The following ACTR3C variants were observed in gnomAD, a reference collection of about 807,000 sequenced individuals.
ACTR3C encodes the protein actin-related protein 3C.
In ACTR3C, 18 loss-of-function variants were observed where a neutral mutation model predicts 26.3. That is an observed-to-expected ratio of 0.68 (90% CI 0.47 to 1.01). The LOEUF (loss-of-function observed/expected upper bound fraction) is 1.01, where lower values mean the gene tolerates loss of function less well. Ranked by LOEUF, ACTR3C falls within the 50% of genes least tolerant of loss-of-function variation. The pLI is 0.00. For synonymous variants in ACTR3C, 55 were observed against 94.5 expected (o/e 0.58, Z 2.42); for missense variants, 184 against 250.7 (o/e 0.73, Z 1.80).
At chr7:150,204,617 A>G in the ACTR3C span, among the ~76,000 whole-genome samples, 1 of 152,364 alleles carries the variant, frequency 6.6e-6, no homozygotes, top group African/African-American at 2.4e-5. Flanking sequence ...GTGATGCTGT[A>G]TCCTTTCTCT....
At chr7:150,030,746 C>T in the ACTR3C span, among the ~76,000 whole-genome samples, 4 of 151,812 alleles carry the variant, frequency 2.6e-5, no homozygotes, top group East Asian at 1.9e-4. Context: ...CCCCTTCCCA[C>T]ACACCCCTCC....
chr7:150,035,522 C>T, the ACTR3C span, among the ~76,000 whole-genome samples: 5 of 120,886 alleles, frequency 4.1e-5, no homozygotes, highest in Non-Finnish European at 8.9e-5. Context: ...TCCCCACTCT[C>T]GTGGGGGGTG....
chr7:150,039,075 CT>C, the ACTR3C span, among the ~76,000 whole-genome samples: 1 of 145,998 alleles, frequency 6.8e-6, no homozygotes, highest in Non-Finnish European at 1.5e-5. Context: ...GAACTTTCTA[CT>C]TGGACTACTA....
the ACTR3C span, among the ~76,000 whole-genome samples, chr7:150,153,324 C>T: frequency 5.0e-4 from 76 of 151,286 alleles, 1 homozygote; most frequent in South Asian, 2.3e-3. Context: ...ACCTACTCAT[C>T]TGACAAAGGG....
the ACTR3C span, among the ~76,000 whole-genome samples, chr7:150,080,285 T>A: frequency 8.1e-3 from 1,222 of 151,100 alleles, 10 homozygotes; most frequent in Non-Finnish European, 0.013. Context: ...TTCTTCCCCT[T>A]CTTTCTACTT....
the ACTR3C span, among the ~76,000 whole-genome samples, chr7:150,191,374 C>A: frequency 1.3e-5 from 2 of 152,144 alleles, no homozygotes; most frequent in Non-Finnish European, 2.9e-5. Context: ...AATGATTTAG[C>A]TTTTTGTTAA....
the ACTR3C span, among the ~76,000 whole-genome samples, chr7:150,033,347 G>C: frequency 2.6e-5 from 4 of 152,190 alleles, no homozygotes; most frequent in Non-Finnish European, 5.9e-5. Flanking sequence ...GGATGCTCTA[G>C]CTGTGCTCTG....
At chr7:150,026,326 T>C in the ACTR3C span, among the ~76,000 whole-genome samples, 1 of 152,060 alleles carries the variant, frequency 6.6e-6, no homozygotes, top group Non-Finnish European at 1.5e-5. Flanking sequence ...TGCACATACA[T>C]GATAAGCCAC....
the ACTR3C span, among the ~76,000 whole-genome samples, chr7:150,197,489 A>T: frequency 3.9e-3 from 601 of 152,338 alleles, 7 homozygotes; most frequent in African/African-American, 0.014. Context: ...AGTGGATTTT[A>T]AAAAAGTGAG....
chr7:149,938,954 T>A, the ACTR3C span, among the ~76,000 whole-genome samples: 5 of 146,490 alleles, frequency 3.4e-5, no homozygotes, highest in Non-Finnish European at 7.4e-5. Flanking sequence ...TGTATATATA[T>A]AAAAATATAT....
chr7:150,293,431 A>C lies in ACTR3C; in HGVS notation c.46-12T>G. 1 of 1,559,296 alleles carries C rather than the reference A, an allele frequency of 6.4e-7. No individual in the cohort carries two copies. The highest frequency in any genetic ancestry group is 8.7e-7 in the Non-Finnish European group (1 of 1,152,170). On this transcript the variant is annotated splice_polypyrimidine_tract_variant and intron_variant, in intron 2 of 7. Transcript: ENST00000683684. ...AAGGCCAGCACTGCCTGGAGAAAAG[A>C]CATGAAAACCGCTCGCACATAGGAA...
At chr7:150,228,153 G>A in the ACTR3C span, among the ~76,000 whole-genome samples, 1 of 152,066 alleles carries the variant, frequency 6.6e-6, no homozygotes, top group Non-Finnish European at 1.5e-5. Flanking sequence ...TATCATTCTC[G>A]ATATTGAGCT....
the ACTR3C span, chr7:150,047,838 T>C: frequency 1.3e-6 from 2 of 1,516,748 alleles, no homozygotes; most frequent in Non-Finnish European, 1.8e-6. Context: ...GGTGAACCTC[T>C]GGTACAGCGA....
chr7:150,223,918 C>T, the ACTR3C span, among the ~76,000 whole-genome samples: 1 of 152,166 alleles, frequency 6.6e-6, no homozygotes, highest in Admixed American at 6.5e-5. Flanking sequence ...TCTAAGTTAA[C>T]TCGTGTGTCT....
At chr7:149,976,836 C>T in the ACTR3C span, among the ~76,000 whole-genome samples, 2 of 151,754 alleles carry the variant, frequency 1.3e-5, no homozygotes, top group African/African-American at 2.4e-5. Flanking sequence ...AAAGGTCTGT[C>T]GAGTGGGGTA....
At chr7:150,287,397 C>T (rs1226175661) in intron 4 of ACTR3C, among the ~76,000 whole-genome samples, 8 of 152,318 alleles carry the variant, frequency 5.3e-5, no homozygotes, top group Non-Finnish European at 1.0e-4. Context: ...AAGTCGCTAA[C>T]GATTCCCACC....
At chr7:150,161,839 T>A in the ACTR3C span, among the ~76,000 whole-genome samples, 929 of 152,166 alleles carry the variant, frequency 6.1e-3, 11 homozygotes, top group African/African-American at 0.021. Context: ...GTGACTTGGA[T>A]GCATTCTAAG....
the ACTR3C span, among the ~76,000 whole-genome samples, chr7:150,213,319 C>T: frequency 6.6e-6 from 1 of 152,222 alleles, no homozygotes; most frequent in African/African-American, 2.4e-5. Context: ...GGTGAAACGC[C>T]GTAAGCCTTG....
chr7:149,917,233 G>A, the ACTR3C span, among the ~76,000 whole-genome samples: 2 of 151,940 alleles, frequency 1.3e-5, no homozygotes, highest in South Asian at 2.1e-4. Flanking sequence ...GCGCCACTAC[G>A]CCCAGCTAAT....
Sources: gnomAD v4.1 joint callset for allele counts (sites outside exome capture counted in the v4.1 genomes callset) on GRCh38, gnomAD v4.1.1 for gene constraint, MANE v1.5 for transcripts, NCBI Gene and HGNC (gene_info 2026-07-23, HGNC 2026-07-21) for gene names.